SDHA: variants seen among roughly 807,000 people sequenced by gnomAD.
SDHA encodes the protein succinate dehydrogenase complex flavoprotein subunit A, also known as succinate dehydrogenase [ubiquinone] flavoprotein subunit, mitochondrial.
A neutral mutation model predicts 78.4 loss-of-function variants in SDHA; 48 were observed. The observed-to-expected ratio is 0.61, with a 90% CI of 0.49 to 0.78. The LOEUF (loss-of-function observed/expected upper bound fraction) is 0.78. Ranked by LOEUF, SDHA falls within the 30% of genes least tolerant of loss-of-function variation. The pLI is 0.00. For synonymous variants in SDHA, 326 were observed against 353.9 expected (o/e 0.92, Z 0.88); for missense variants, 680 against 892.7 (o/e 0.76, Z 3.04).
intron 8 of SDHA, 42 bp downstream of exon 8, chr5:233,687 G>A (rs1266063463): frequency 7.5e-6 from 12 of 1,607,270 alleles, no homozygotes; most frequent in East Asian, 2.2e-5. Flanking sequence ...GCGGGCACAC[G>A]GGCCGGGGTT....
chr5:253,141 G>C (rs1736961902), intron 13 of SDHA: 1 of 152,316 alleles, frequency 6.6e-6, no homozygotes, highest in Admixed American at 6.5e-5. Flanking sequence ...GGATGCAAAT[G>C]CAAGTTCAGG....
At chr5:220,536 C>T (rs1016605211) in intron 1 of SDHA, among the ~76,000 whole-genome samples, 6 of 152,168 alleles carry the variant, frequency 3.9e-5, no homozygotes, top group Non-Finnish European at 5.9e-5. Flanking sequence ...CTGCATTCCT[C>T]ATGATGTTTT....
intron 8 of SDHA, 97 bp downstream of exon 8, chr5:233,742 G>A: frequency 8.1e-7 from 1 of 1,241,852 alleles, no homozygotes. Flanking sequence ...TTCGTGTGCA[G>A]GCGCATGTGC....
intron 1 of SDHA, among the ~76,000 whole-genome samples, chr5:221,048 C>G (rs1488826507): frequency 1.3e-5 from 2 of 152,056 alleles, no homozygotes; most frequent in Non-Finnish European, 2.9e-5. Flanking sequence ...CTCCTGACCT[C>G]GTGATCCGCC....
intron 1 of SDHA, among the ~76,000 whole-genome samples, chr5:221,365 A>C (rs1223848342): frequency 6.6e-6 from 1 of 152,100 alleles, no homozygotes; most frequent in Non-Finnish European, 1.5e-5. Context: ...CACTTAAACT[A>C]CCCTGCTTCC....
intron 10 of SDHA, among the ~76,000 whole-genome samples, chr5:238,219 A>G (rs931042707): frequency 6.6e-6 from 1 of 152,036 alleles, no homozygotes; most frequent in African/African-American, 2.4e-5. Context: ...AAGACAAGGG[A>G]TTGGTGGTTG....
chr5:251,267 C>T (rs1736805943), intron 12 of SDHA, 71 bp from the exon 13 acceptor site: 1 of 1,570,586 alleles, frequency 6.4e-7, no homozygotes, highest in Non-Finnish European at 8.7e-7. Flanking sequence ...CTAGCAGGCC[C>T]AGGCTGACAG....
At chr5:225,317 G>A in intron 3 of SDHA, 102 bp from the exon 4 acceptor site, 1 of 1,467,034 alleles carries the variant, frequency 6.8e-7, no homozygotes. Flanking sequence ...CACTGTGTGA[G>A]TAGTTGGCTT....
the SDHA span, among the ~76,000 whole-genome samples, chr5:268,495 A>G: frequency 2.0e-5 from 3 of 152,032 alleles, no homozygotes; most frequent in African/African-American, 7.2e-5. Context: ...CCTTAATTTC[A>G]TAGTAATTAA....
At chr5:260,078 G>A (rs377294371), downstream of SDHA, among the ~76,000 whole-genome samples, 1 of 24,178 alleles carries the variant, frequency 4.1e-5, no homozygotes, top group African/African-American at 3.9e-4. Context: ...TCCGCCTCCC[G>A]TCAGAGCATT....
At chr5:239,119 T>TGCAGAA (rs1735970370) in intron 10 of SDHA, among the ~76,000 whole-genome samples, 1 of 140,038 alleles carries the variant, frequency 7.1e-6, no homozygotes, top group African/African-American at 3.0e-5. Context: ...CATAGCCTGG[T>TGCAGAA]CCTGTGGAGA....
intron 3 of SDHA, 72 bp from the exon 4 acceptor site, chr5:225,347 G>T (rs1263011367): frequency 1.2e-6 from 2 of 1,602,130 alleles, no homozygotes; most frequent in Non-Finnish European, 1.7e-6. Context: ...CCCCCCAGCG[G>T]GTGGATTTGG....
At chr5:253,151 G>C (rs976884434) in intron 13 of SDHA, 2 of 152,246 alleles carry the variant, frequency 1.3e-5, no homozygotes, top group Non-Finnish European at 2.9e-5. Context: ...GCAAGTTCAG[G>C]ATAAACCACA....
At chr5:250,565 G>C in intron 11 of SDHA, 2 of 299,364 alleles carry the variant, frequency 6.7e-6, no homozygotes, top group Non-Finnish European at 1.3e-5. Flanking sequence ...GCTCTGCTCA[G>C]CTCCTCCTAG....
intron 6 of SDHA, among the ~76,000 whole-genome samples, chr5:229,292 C>T (rs1735235400): frequency 1.3e-5 from 2 of 152,184 alleles, no homozygotes; most frequent in African/African-American, 2.4e-5. Flanking sequence ...ATCAGAAGCT[C>T]AAAGAGACAC....
chr5:248,399 CAAT>C (rs1736606047), intron 11 of SDHA, among the ~76,000 whole-genome samples: 1 of 152,226 alleles, frequency 6.6e-6, no homozygotes, highest in African/African-American at 2.4e-5. Context: ...CAACCAGTCA[CAAT>C]GAGTAATTTA....
chr5:253,131 G>A (rs1366048026), intron 13 of SDHA: 1 of 152,302 alleles, frequency 6.6e-6, no homozygotes, highest in Non-Finnish European at 1.5e-5. Flanking sequence ...GGGAAGCTTG[G>A]GATGCAAATG....
chr5:231,053 G>C (rs1735368248), intron 7 of SDHA, 53 bp downstream of exon 7: 1 of 1,597,936 alleles, frequency 6.3e-7, no homozygotes, highest in Non-Finnish European at 8.6e-7. Flanking sequence ...TGTCTTGTAA[G>C]CATGTGATGC....
chr5:236,035 T>C (rs796227208), intron 9 of SDHA: 12 of 298,108 alleles, frequency 4.0e-5, no homozygotes, highest in African/African-American at 2.2e-4. Flanking sequence ...CTCTCTTTTT[T>C]TTTCTTGGAG....
Sources: gnomAD v4.1 joint callset for allele counts (sites outside exome capture counted in the v4.1 genomes callset) on GRCh38, gnomAD v4.1.1 for gene constraint, MANE v1.5 for transcripts, NCBI Gene and HGNC (gene_info 2026-07-23, HGNC 2026-07-21) for gene names.